The following CARMIL1 variants were observed in gnomAD, a reference collection of about 807,000 sequenced individuals.
The protein encoded by CARMIL1 is F-actin-uncapping protein LRRC16A.
CARMIL1 carries 90 observed loss-of-function variants against 177.1 expected under a neutral mutation model. That is an observed-to-expected ratio of 0.51 (90% CI 0.43 to 0.61). The LOEUF (loss-of-function observed/expected upper bound fraction) is 0.61. Ranked by LOEUF, CARMIL1 falls within the 20% of genes least tolerant of loss-of-function variation. The probability of loss-of-function intolerance (pLI) is 0.00; values close to 1 mark genes in which losing one functional copy is unlikely to be tolerated. For missense variants in CARMIL1, 1,380 were observed against 1,667.0 expected, an observed-to-expected ratio of 0.83 and a Z score of 3.00; for synonymous variants, 577 against 606.2, an observed-to-expected ratio of 0.95 and a Z score of 0.71.
chr6:25,362,917 C>T (rs186198641), intron 2 of CARMIL1, among the ~76,000 whole-genome samples: 1,652 of 152,272 alleles, frequency 0.011, 13 homozygotes, highest in Non-Finnish European at 0.018. Context: ...TGCCTGTAAT[C>T]CCAGCTACTC....
chr6:25,331,447 A>G (rs1581588714), intron 2 of CARMIL1, among the ~76,000 whole-genome samples: 1 of 152,136 alleles, frequency 6.6e-6, no homozygotes, highest in African/African-American at 2.4e-5. Context: ...TCTCCAGGAA[A>G]CCTCAGTACC....
intron 2 of CARMIL1, among the ~76,000 whole-genome samples, chr6:25,355,381 G>A (rs1479805827): frequency 1.3e-5 from 2 of 152,186 alleles, no homozygotes; most frequent in East Asian, 3.8e-4. Context: ...GGTGGCTCAT[G>A]TCTGTAATCC....
At chr6:25,392,910 T>C (rs1345740776) in intron 2 of CARMIL1, among the ~76,000 whole-genome samples, 1 of 152,120 alleles carries the variant, frequency 6.6e-6, no homozygotes, top group Non-Finnish European at 1.5e-5. Context: ...AACAACAGTG[T>C]TCCTGATCTT....
intron 2 of CARMIL1, among the ~76,000 whole-genome samples, chr6:25,373,581 C>T (rs1242407770): frequency 6.7e-6 from 1 of 148,530 alleles, no homozygotes; most frequent in Non-Finnish European, 1.5e-5. Flanking sequence ...TTTCATCTCT[C>T]TCTCTCTCTT....
chr6:25,584,037 T>TC (rs1813399174), intron 31 of CARMIL1, among the ~76,000 whole-genome samples: 1 of 147,082 alleles, frequency 6.8e-6, no homozygotes. Flanking sequence ...TTTTTTTTTT[T>TC]TTTTTTTTGA....
chr6:25,612,290 C>T (rs1816568378), intron 36 of CARMIL1: 1 of 152,222 alleles, frequency 6.6e-6, no homozygotes, highest in South Asian at 2.1e-4. Flanking sequence ...TCTTTATAAA[C>T]TGTCCATATT....
chr6:25,552,983 G>T (rs1810260858), intron 27 of CARMIL1, among the ~76,000 whole-genome samples: 1 of 152,062 alleles, frequency 6.6e-6, no homozygotes, highest in South Asian at 2.1e-4. Flanking sequence ...CAAATAGATA[G>T]TGATACCTTG....
At chr6:25,588,587 C>T (rs13212936) in intron 31 of CARMIL1, among the ~76,000 whole-genome samples, 8,887 of 152,292 alleles carry the variant, frequency 0.058, 309 homozygotes, top group Non-Finnish European at 0.084. Context: ...ATTCTAACCA[C>T]GACACCCAAC....
intron 2 of CARMIL1, among the ~76,000 whole-genome samples, chr6:25,348,463 A>G (rs1787769891): frequency 6.6e-6 from 1 of 152,076 alleles, no homozygotes; most frequent in African/African-American, 2.4e-5. Context: ...AAACATAGAA[A>G]TAAATGTGAG....
At chr6:25,409,998 T>C (rs1794763673) in intron 2 of CARMIL1, among the ~76,000 whole-genome samples, 1 of 152,222 alleles carries the variant, frequency 6.6e-6, no homozygotes, top group Admixed American at 6.5e-5. Context: ...ATTCTCCTTC[T>C]TTCCTTATTT....
At chr6:25,468,046 G>T (rs911456124) in intron 9 of CARMIL1, among the ~76,000 whole-genome samples, 3 of 152,100 alleles carry the variant, frequency 2.0e-5, no homozygotes, top group Non-Finnish European at 4.4e-5. Flanking sequence ...AAAAATAAGT[G>T]GCTGCTTCTC....
At chr6:25,606,308 C>A in intron 35 of CARMIL1, 35 bp downstream of exon 35, 5 of 1,592,284 alleles carry the variant, frequency 3.1e-6, no homozygotes, top group Non-Finnish European at 4.3e-6. Flanking sequence ...TGCATTGTGA[C>A]CAGGTGGCTT....
At chr6:25,280,504 A>G (rs1003679347) in intron 1 of CARMIL1, among the ~76,000 whole-genome samples, 1 of 151,410 alleles carries the variant, frequency 6.6e-6, no homozygotes, top group African/African-American at 2.4e-5. Flanking sequence ...TGATTAACCT[A>G]CCGATTCTCC....
chr6:25,489,809 C>A (rs771237729), intron 13 of CARMIL1, among the ~76,000 whole-genome samples: 11 of 152,000 alleles, frequency 7.2e-5, no homozygotes, highest in Non-Finnish European at 8.8e-5. Flanking sequence ...TTTTTCAATC[C>A]ATTTTCCAGT....
chr6:25,328,183 T>C (rs892866219), intron 2 of CARMIL1, among the ~76,000 whole-genome samples: 2 of 152,140 alleles, frequency 1.3e-5, no homozygotes, highest in Admixed American at 1.3e-4. Flanking sequence ...GGGAAGAGTA[T>C]GTGTGGAGGA....
intron 36 of CARMIL1, among the ~76,000 whole-genome samples, chr6:25,616,599 A>G (rs1816910677): frequency 6.6e-6 from 1 of 152,182 alleles, no homozygotes; most frequent in African/African-American, 2.4e-5. Flanking sequence ...GCTTGCATGC[A>G]TACATACACG....
At chr6:25,341,365 C>G (rs1388844719) in intron 2 of CARMIL1, among the ~76,000 whole-genome samples, 2 of 152,184 alleles carry the variant, frequency 1.3e-5, no homozygotes, top group Non-Finnish European at 2.9e-5. Context: ...CTGATGGTGG[C>G]TGTGGGTAGT....
At chr6:25,360,624 A>G (rs542943316) in intron 2 of CARMIL1, among the ~76,000 whole-genome samples, 6 of 152,344 alleles carry the variant, frequency 3.9e-5, no homozygotes, top group African/African-American at 1.4e-4. Context: ...GGGATAGCCA[A>G]GGCAAATGCT....
chr6:25,505,086 A>G (rs1000091821), intron 17 of CARMIL1, among the ~76,000 whole-genome samples: 2 of 152,208 alleles, frequency 1.3e-5, no homozygotes, highest in Non-Finnish European at 2.9e-5. Flanking sequence ...CTTTATAAAT[A>G]TTCAGTCTTT....
Sources: gnomAD v4.1 joint callset for allele counts (sites outside exome capture counted in the v4.1 genomes callset) on GRCh38, gnomAD v4.1.1 for gene constraint, MANE v1.5 for transcripts, NCBI Gene and HGNC (gene_info 2026-07-23, HGNC 2026-07-21) for gene names.